ANKRD11: variants seen among roughly 807,000 people sequenced by gnomAD.
ANKRD11 encodes ankyrin repeat domain-containing protein 11.
In ANKRD11, 17 loss-of-function variants were observed where a neutral mutation model predicts 195.7. That is an observed-to-expected ratio of 0.09 (90% CI 0.06 to 0.13). ANKRD11 has a LOEUF of 0.13. Among genes scored for constraint, ANKRD11 ranks in the 10% least tolerant of loss-of-function variants. The probability of loss-of-function intolerance (pLI) is 1.00; values close to 1 mark genes in which losing one functional copy is unlikely to be tolerated. For synonymous variants in ANKRD11, 1,953 were observed against 1,528.1 expected, an observed-to-expected ratio of 1.28 and a Z score of -6.49; for missense variants, 3,735 against 3,566.1, an observed-to-expected ratio of 1.05 and a Z score of -1.21.
In ANKRD11 at chr16:89,283,815, G is replaced by A; in HGVS notation, c.2727C>T (p.Asp909=). The A allele has an allele frequency of 6.2e-7, 1 of 1,614,128 alleles. No homozygotes were observed. Among genetic ancestry groups the A allele is most frequent in the African/African-American group, 1.3e-5 (1 of 75,042 alleles). ...CAGAGTTTTTATCCAAATAGTCCCT[G>A]TCCTTCTTTCGGAAGAAGGGCTCTC... The part of the protein sequence containing the change: ...DYREPFFRKK[D]RDYLDKNSEK... The change falls in exon 9 of 13, where the codon GAC becomes GAT. Residue 909 remains aspartate, a synonymous_variant. Coordinates refer to ENST00000301030, the MANE Select transcript of ANKRD11 (RefSeq NM_013275.6). This position sits in a 1 kb window ranked among gnomAD's most constrained non-coding sequence, Gnocchi z 4.3.
intron 1 of ANKRD11, among the ~76,000 whole-genome samples, chr16:89,419,228 G>T (rs2042418016): frequency 6.6e-6 from 1 of 151,906 alleles, no homozygotes; most frequent in Non-Finnish European, 1.5e-5. Context: ...GAGGTGGGCG[G>T]ATCACTTGAG....
intron 9 of ANKRD11, chr16:89,278,494 G>T: frequency 2.2e-6 from 1 of 455,916 alleles, no homozygotes; most frequent in South Asian, 1.5e-5. Context: ...TGAGCCTGCA[G>T]AGGTAGGGAT....
At chr16:89,374,826 G>T (rs912345673) in intron 2 of ANKRD11, among the ~76,000 whole-genome samples, 1 of 152,088 alleles carries the variant, frequency 6.6e-6, no homozygotes, top group Admixed American at 6.6e-5. Flanking sequence ...GCTGCACACG[G>T]CAAGTCACCC....
At chr16:89,406,936 T>C (rs1366392267) in intron 2 of ANKRD11, among the ~76,000 whole-genome samples, 1 of 152,140 alleles carries the variant, frequency 6.6e-6, no homozygotes, top group African/African-American at 2.4e-5. Flanking sequence ...CCCAGCACTT[T>C]GGGAGGCCAG....
intron 1 of ANKRD11, among the ~76,000 whole-genome samples, chr16:89,477,135 A>G (rs2057286187): frequency 6.6e-6 from 1 of 151,828 alleles, no homozygotes. Context: ...AGTTAAATTT[A>G]TATCTCAGAA....
At chr16:89,450,412 C>T (rs558918775) in intron 1 of ANKRD11, among the ~76,000 whole-genome samples, 17 of 152,194 alleles carry the variant, frequency 1.1e-4, no homozygotes, top group Non-Finnish European at 2.2e-4. Context: ...CAGCAACACC[C>T]TAATGGGCCC....
At chr16:89,386,711 C>T (rs1449018233) in intron 2 of ANKRD11, among the ~76,000 whole-genome samples, 1 of 152,222 alleles carries the variant, frequency 6.6e-6, no homozygotes, top group Non-Finnish European at 1.5e-5. Flanking sequence ...TTATAAGCTA[C>T]TCAAGTTTTT....
chr16:89,413,026 C>A (rs1220647308), intron 2 of ANKRD11, among the ~76,000 whole-genome samples: 6 of 152,206 alleles, frequency 3.9e-5, no homozygotes, highest in Admixed American at 2.6e-4. Flanking sequence ...AAACCCTCCC[C>A]CAGGCCCTGG....
rs535265132 is a variant in ANKRD11, at chr16:89,270,753, C to T, written c.7806+64G>A. 5.9e-6 allele frequency: 9 copies of T among 1,527,694 alleles called. No individual in the cohort carries two copies. The South Asian group carries it at 8.1e-5, about 14-fold the overall frequency. The allele number at this position is 1,527,694 out of a possible 1,614,324, so 94.6% of individuals were successfully genotyped here. A position where few individuals can be genotyped will look rare whatever the true frequency, so the allele number is the denominator to read the frequency against. The stretch of plus-strand genomic sequence containing the variant: ...CAGGCAGCGCAAAGGGGGTTGTCAC[C>T]ACCCATCACAGAACTGGGCAGCAGC... On this transcript the variant is annotated intron_variant, in intron 12 of 12. Transcript: ENST00000301030.
chr16:89,432,882 G>A (rs2043042076), intron 1 of ANKRD11, among the ~76,000 whole-genome samples: 1 of 151,876 alleles, frequency 6.6e-6, no homozygotes, highest in Non-Finnish European at 1.5e-5. Flanking sequence ...GAGCCTGTGA[G>A]GTCGAGGCTG....
At chr16:89,490,039 C>G (rs1212300772) in intron 1 of ANKRD11, among the ~76,000 whole-genome samples, 1 of 147,810 alleles carries the variant, frequency 6.8e-6, no homozygotes, top group African/African-American at 2.5e-5. Context: ...AACCCGGACC[C>G]GTAGGCCCGC....
intron 2 of ANKRD11, among the ~76,000 whole-genome samples, chr16:89,363,241 T>C (rs1436056088): frequency 6.6e-6 from 1 of 152,198 alleles, no homozygotes; most frequent in Admixed American, 6.5e-5. Context: ...TTTAAAATTT[T>C]TTCCTATACT....
intron 1 of ANKRD11, among the ~76,000 whole-genome samples, chr16:89,433,287 C>T (rs1477633096): frequency 6.6e-6 from 1 of 152,174 alleles, no homozygotes. Context: ...CATATGGATC[C>T]CTCCAGGCTC....
chr16:89,382,188 T>C (rs1005594696), intron 2 of ANKRD11, among the ~76,000 whole-genome samples: 2 of 152,062 alleles, frequency 1.3e-5, no homozygotes, highest in South Asian at 2.1e-4. Flanking sequence ...CCTGGAGCCC[T>C]TGAACCCATC....
In ANKRD11 at chr16:89,337,787, G is replaced by A. The variant is rs1053098062; in HGVS notation, c.-59-20709C>T. ...GCAGACAATGTGCAGGTCTTTCCTAGGTGGAAAGCAAGTTTGCCCAAGTCG... is the reference window on the plus strand; with the variant it reads ...GCAGACAATGTGCAGGTCTTTCCTAAGTGGAAAGCAAGTTTGCCCAAGTCG... On this transcript the variant is annotated intron_variant, in intron 2 of 12. Coordinates refer to ENST00000301030, the MANE Select transcript of ANKRD11 (RefSeq NM_013275.6). Among the ~76,000 whole-genome samples, 7 of 152,116 alleles carry A rather than the reference G, an allele frequency of 4.6e-5. No individual in the cohort carries two copies. In the East Asian group the frequency reaches 1.4e-3, roughly 29 times the overall value.
At chr16:89,369,196 T>C (rs558191241) in intron 2 of ANKRD11, among the ~76,000 whole-genome samples, 23 of 152,222 alleles carry the variant, frequency 1.5e-4, no homozygotes, top group African/African-American at 5.1e-4. Flanking sequence ...AGAGAGAATA[T>C]GAAACAATAA....
At chr16:89,307,100 C>T (rs904799880) in intron 3 of ANKRD11, among the ~76,000 whole-genome samples, 2 of 152,010 alleles carry the variant, frequency 1.3e-5, no homozygotes, top group Non-Finnish European at 2.9e-5. Flanking sequence ...GGGAGGGGGA[C>T]GGTGCGACAC....
At chr16:89,308,032 A>C (rs59858477) in intron 3 of ANKRD11, among the ~76,000 whole-genome samples, 1 of 151,628 alleles carries the variant, frequency 6.6e-6, no homozygotes, top group East Asian at 1.9e-4. Context: ...CAACATGTGA[A>C]GAGGCCACCA....
chr16:89,301,058 T>C (rs896381226), intron 4 of ANKRD11: 1 of 564,942 alleles, frequency 1.8e-6, no homozygotes. Context: ...GGCCAGGCAA[T>C]GATGCACAGC....
Sources: gnomAD v4.1 joint callset for allele counts (sites outside exome capture counted in the v4.1 genomes callset) on GRCh38, gnomAD v4.1.1 for gene constraint, Gnocchi (gnomAD v3.1) non-coding constraint, MANE v1.5 for transcripts, NCBI Gene and HGNC (gene_info 2026-07-23, HGNC 2026-07-21) for gene names.